The following PDCD10 variants were observed in gnomAD, a reference collection of about 807,000 sequenced individuals.
PDCD10 encodes the protein programmed cell death 10.
In PDCD10, 4 loss-of-function variants were observed where a neutral mutation model predicts 29.2. The observed-to-expected ratio is 0.14, with a 90% CI of 0.07 to 0.31. PDCD10 has a LOEUF of 0.31. Among genes scored for constraint, PDCD10 ranks in the 10% least tolerant of loss-of-function variants. The probability of loss-of-function intolerance (pLI) is 1.00; values close to 1 mark genes in which losing one functional copy is unlikely to be tolerated. For synonymous variants in PDCD10, 70 were observed against 82.2 expected, an observed-to-expected ratio of 0.85 and a Z score of 0.80; for missense variants, 183 against 257.9, an observed-to-expected ratio of 0.71 and a Z score of 1.99.
At chr3:167,722,599 C>T (rs1723690241) in intron 2 of PDCD10, among the ~76,000 whole-genome samples, 1 of 152,012 alleles carries the variant, frequency 6.6e-6, no homozygotes, top group Non-Finnish European at 1.5e-5. Flanking sequence ...GGTGAGAAAT[C>T]CCTGCAGGGG....
chr3:167,687,361 A>T, intron 7 of PDCD10, 45 bp from the exon 8 acceptor site: 2 of 1,153,488 alleles, frequency 1.7e-6, no homozygotes, highest in Non-Finnish European at 2.6e-6. Flanking sequence ...TAAATAAGAG[A>T]AATAATCACA....
At chr3:167,697,569 T>C (rs1240815400) in intron 4 of PDCD10, among the ~76,000 whole-genome samples, 5 of 152,186 alleles carry the variant, frequency 3.3e-5, no homozygotes, top group Admixed American at 6.5e-5. Context: ...TTTCCATTTA[T>C]ATTAAGAGAA....
In PDCD10 at chr3:167,683,303, ATT is replaced by A. The variant is rs946456319; in HGVS notation, c.*1003_*1004del. 1 of 152,032 alleles carries A rather than the reference ATT, an allele frequency of 6.6e-6. No homozygotes were observed. The highest frequency in any genetic ancestry group is 2.4e-5 in the African/African-American group (1 of 41,432). The allele number at this position is 152,032 out of a possible 1,614,324, so 9.4% of individuals were successfully genotyped here. ...CTTTATAAAAGATAAGCAAATTCTG[ATT>A]TTTTCCCTTTATTTTATAATTGAAA... On this transcript the variant is annotated 3_prime_UTR_variant, in exon 9 of 9. Coordinates refer to ENST00000392750, the MANE Select transcript of PDCD10 (RefSeq NM_007217.4).
intron 1 of PDCD10, 90 bp from the exon 2 acceptor site, chr3:167,734,440 G>C (rs929758875): frequency 1.3e-5 from 2 of 152,764 alleles, no homozygotes; most frequent in African/African-American, 4.8e-5. Context: ...ACAAAGCAGG[G>C]GGAAAACAGC....
intron 2 of PDCD10, 145 bp from the exon 3 acceptor site, chr3:167,720,418 T>C (rs767039857): frequency 2.6e-5 from 11 of 424,736 alleles, no homozygotes; most frequent in Admixed American, 1.1e-4. Flanking sequence ...CAAACCTAGT[T>C]GGCAAGAAAC....
At chr3:167,697,736 T>C (rs1577332909) in intron 4 of PDCD10, 1 of 248,714 alleles carries the variant, frequency 4.0e-6, no homozygotes, top group South Asian at 4.4e-5. Context: ...TGAAACCTTT[T>C]ACTACCTTTT....
intron 3 of PDCD10, among the ~76,000 whole-genome samples, chr3:167,716,276 G>T (rs1723001771): frequency 6.6e-6 from 1 of 151,886 alleles, no homozygotes; most frequent in African/African-American, 2.4e-5. Context: ...GGAGGATAGT[G>T]GGGGTGGAGA....
Position 167,712,938 on chromosome 3 carries a change from G to A in PDCD10, c.96+7124C>T, listed in dbSNP as rs189661821. Among the ~76,000 whole-genome samples the A allele has an allele frequency of 7.2e-5, 11 of 152,112 alleles. No individual in the cohort carries two copies. The East Asian group carries it at 2.1e-3, about 29-fold the overall frequency. ...AAATATATATGCACCCAGTCCTGGT[G>A]TACCCAGAAATATAAGGCAAATATT... On this transcript the variant is annotated intron_variant, in intron 3 of 8. Transcript: ENST00000392750.
chr3:167,709,380 T>A (rs1177739916), intron 3 of PDCD10, among the ~76,000 whole-genome samples: 1 of 151,950 alleles, frequency 6.6e-6, no homozygotes, highest in South Asian at 2.1e-4. Context: ...CCTCCCCCCA[T>A]CCCGCAATAG....
intron 2 of PDCD10, among the ~76,000 whole-genome samples, chr3:167,722,303 T>C (rs902468021): frequency 2.6e-5 from 4 of 152,074 alleles, no homozygotes; most frequent in Non-Finnish European, 5.9e-5. Context: ...CGGTATTAAA[T>C]ATAGAGCAGT....
intron 4 of PDCD10, among the ~76,000 whole-genome samples, chr3:167,703,271 C>T (rs1003742834): frequency 4.0e-5 from 6 of 151,110 alleles, no homozygotes; most frequent in African/African-American, 1.2e-4. Flanking sequence ...AAGAAGAAAA[C>T]AACAATAAAA....
rs527710335 is a variant in PDCD10, at chr3:167,697,247, T to C, written c.151-121A>G. On this transcript the variant is annotated intron_variant, in intron 4 of 8. Transcript: ENST00000392750. ...CACTGATAACTTTTAAGGGCAGAAA[T>C]CTTTGTAAAGCAGGTGTCATGATAG... 11 of 663,722 alleles carry C rather than the reference T, an allele frequency of 1.7e-5. No homozygotes were observed. In the East Asian group the frequency reaches 2.5e-4, roughly 15 times the overall value. The allele number at this position is 663,722 out of a possible 1,614,324, so 41.1% of individuals were successfully genotyped here.
intron 6 of PDCD10, among the ~76,000 whole-genome samples, chr3:167,690,744 G>A (rs1455132405): frequency 6.6e-6 from 1 of 152,182 alleles, no homozygotes; most frequent in African/African-American, 2.4e-5. Context: ...AGCATGTACT[G>A]TTGAATGTAT....
At chr3:167,708,322 C>T (rs1722197068) in intron 3 of PDCD10, among the ~76,000 whole-genome samples, 1 of 150,124 alleles carries the variant, frequency 6.7e-6, no homozygotes, top group Admixed American at 6.6e-5. Flanking sequence ...TAAAAGACTC[C>T]TGCTTTCACA....
intron 2 of PDCD10, among the ~76,000 whole-genome samples, chr3:167,723,413 T>C (rs1265635639): frequency 6.6e-6 from 1 of 152,106 alleles, no homozygotes; most frequent in East Asian, 1.9e-4. Flanking sequence ...ATTTCAACCC[T>C]CTAAGGTACA....
chr3:167,697,229 A>G lies in PDCD10; in HGVS notation c.151-103T>C. 4 of 711,040 alleles carry G rather than the reference A, an allele frequency of 5.6e-6. No individual in the cohort carries two copies. The Admixed American group carries it at 6.0e-5, about 11-fold the overall frequency. 44.0% of individuals were successfully genotyped at this position (711,040 alleles called of 1,614,324 possible). On this transcript the variant is annotated intron_variant, in intron 4 of 8. Coordinates refer to ENST00000392750, the MANE Select transcript of PDCD10 (RefSeq NM_007217.4). ...TCTGTTGGGAGCGTCTTACACTGAT[A>G]ACTTTTAAGGGCAGAAATCTTTGTA... is the stretch of plus-strand genomic sequence containing the variant.
intron 3 of PDCD10, among the ~76,000 whole-genome samples, chr3:167,706,838 C>T (rs1722025010): frequency 6.6e-6 from 1 of 152,182 alleles, no homozygotes; most frequent in Admixed American, 6.5e-5. Context: ...TTTATCTAAA[C>T]TGTTCTTAAA....
intron 6 of PDCD10, among the ~76,000 whole-genome samples, chr3:167,694,910 C>A (rs1293002192): frequency 2.0e-5 from 3 of 152,238 alleles, no homozygotes; most frequent in African/African-American, 7.2e-5. Context: ...GATAGTGACA[C>A]TGCAAGTATT....
rs555608873 is a variant in PDCD10 at position 167,690,454 on chromosome 3, C to T, written c.396-2761G>A. Among the ~76,000 whole-genome samples the T allele has an allele frequency of 7.7e-4, 117 of 152,252 alleles. 1 individual carries two copies. In the South Asian group the frequency reaches 0.017, roughly 23 times the overall value. On this transcript the variant is annotated intron_variant, in intron 6 of 8. Transcript: ENST00000392750. ...CAAATAAACCTTGCTGAATTTTAGC[C>T]TAAGAATATGCAAATGCAGATTACA... is the stretch of plus-strand genomic sequence containing the variant.
Sources: gnomAD v4.1 joint callset for allele counts (sites outside exome capture counted in the v4.1 genomes callset) on GRCh38, gnomAD v4.1.1 for gene constraint, MANE v1.5 for transcripts, NCBI Gene and HGNC (gene_info 2026-07-23, HGNC 2026-07-21) for gene names.